C5orf34: variants seen among roughly 807,000 people sequenced by gnomAD.
C5orf34 encodes the protein chromosome 5 open reading frame 34, also known as uncharacterized protein C5orf34.
In C5orf34, 73 loss-of-function variants were observed where a neutral mutation model predicts 78.4. The ratio of observed to expected loss-of-function variants is 0.93; its 90% CI spans 0.77 to 1.13. The LOEUF (loss-of-function observed/expected upper bound fraction) is 1.13. C5orf34 is among the 50% of genes most tolerant of loss of function. The pLI is 0.00. For synonymous variants in C5orf34, 251 were observed against 246.6 expected, an observed-to-expected ratio of 1.02 and a Z score of -0.17; for missense variants, 730 against 732.7, an observed-to-expected ratio of 1.00 and a Z score of 0.04.
At chr5:43,495,344 A>G in intron 6 of C5orf34, 1 of 1,611,830 alleles carries the variant, frequency 6.2e-7, no homozygotes, top group Non-Finnish European at 8.5e-7. Flanking sequence ...CAGCTCAGCA[A>G]ACTTGCATGC....
chr5:43,502,021 G>A (rs1745778628), intron 6 of C5orf34, among the ~76,000 whole-genome samples: 1 of 152,030 alleles, frequency 6.6e-6, no homozygotes, highest in Non-Finnish European at 1.5e-5. Flanking sequence ...TACATGGTGG[G>A]GAAAAAAGAA....
intron 5 of C5orf34, among the ~76,000 whole-genome samples, chr5:43,503,106 G>T (rs1461013158): frequency 6.6e-6 from 1 of 152,200 alleles, no homozygotes; most frequent in Non-Finnish European, 1.5e-5. Context: ...AAATTTAGCA[G>T]TGCTCTTCTA....
chr5:43,507,819 C>T (rs544506025), intron 3 of C5orf34, among the ~76,000 whole-genome samples: 1 of 152,034 alleles, frequency 6.6e-6, no homozygotes, highest in African/African-American at 2.4e-5. Flanking sequence ...TGGCTCACGC[C>T]TGTAATCCCA....
chr5:43,487,627 T>C (rs1350501439), intron 12 of C5orf34, among the ~76,000 whole-genome samples: 1 of 152,126 alleles, frequency 6.6e-6, no homozygotes, highest in African/African-American at 2.4e-5. Flanking sequence ...GTTATAATTT[T>C]ATTATATAAT....
At chr5:43,495,993 C>A in intron 6 of C5orf34, 1 of 1,591,266 alleles carries the variant, frequency 6.3e-7, no homozygotes, top group Non-Finnish European at 8.5e-7. Context: ...TCAGTGGAAT[C>A]CATTTTGTTA....
intron 6 of C5orf34, among the ~76,000 whole-genome samples, chr5:43,499,215 G>A (rs545681118): frequency 6.6e-6 from 1 of 152,322 alleles, no homozygotes; most frequent in South Asian, 2.1e-4. Context: ...AGAAATCTGA[G>A]TGACAAGAAG....
intron 2 of C5orf34, among the ~76,000 whole-genome samples, 189 bp downstream of exon 2, chr5:43,508,955 GT>G (rs1746105105): frequency 6.6e-6 from 1 of 152,170 alleles, no homozygotes; most frequent in African/African-American, 2.4e-5. Flanking sequence ...TTAGCCAGAT[GT>G]GGTAGTGCAC....
intron 2 of C5orf34, among the ~76,000 whole-genome samples, 185 bp from the exon 3 acceptor site, chr5:43,508,851 T>A (rs895591512): frequency 1.3e-5 from 2 of 152,214 alleles, no homozygotes; most frequent in Non-Finnish European, 2.9e-5. Context: ...CCTGGCATAA[T>A]GGGAGGCCAA....
At chr5:43,488,414 C>T (rs1276547734) in intron 11 of C5orf34, 1 of 153,570 alleles carries the variant, frequency 6.5e-6, no homozygotes, top group East Asian at 1.9e-4. Context: ...ATTTAACTTC[C>T]TGCTCTTCCT....
At chr5:43,488,196 A>C (rs1351227099) in intron 11 of C5orf34, 1 of 491,954 alleles carries the variant, frequency 2.0e-6, no homozygotes, top group African/African-American at 1.9e-5. Flanking sequence ...ATTTGTAATC[A>C]AATATTGATG....
Position 43,492,743 on chromosome 5 carries a change from T to C in C5orf34, c.1462A>G (p.Ser488Gly), listed in dbSNP as rs757372341. The part of the protein sequence containing the change: ...GITLTLNWNF[S>G]SPIEKRQVNQ... ...ACCTGTCTCTTCTCAATAGGAGAGC[T>C]GAAATTCCAATTTAGGGTTAGAGTA... The change falls in exon 9 of 13, where the codon AGC becomes GGC. Residue 488 changes from serine (S) to glycine (G), a missense_variant. Physicochemically the swap from Ser to Gly is moderately conservative, Grantham distance 56. Transcript: ENST00000306862. 5.6e-6 allele frequency: 9 copies of C among 1,612,548 alleles called. No homozygotes were observed. The African/African-American group carries it at 1.1e-4, about 19-fold the overall frequency.
At chr5:43,511,690 A>G (rs574298889) in intron 1 of C5orf34, among the ~76,000 whole-genome samples, 2 of 152,356 alleles carry the variant, frequency 1.3e-5, no homozygotes, top group South Asian at 4.1e-4. Flanking sequence ...ACTAAGAAAA[A>G]TACTTCTGCC....
Position 43,515,078 on chromosome 5 carries a change from G to A in C5orf34, c.-309C>T, listed in dbSNP as rs545504818. ...AGACAGCGCCAACTGTAACCACTAA[G>A]AGAAAGCGCAAACCGCACAAGACCA... On this transcript the variant is annotated 5_prime_UTR_variant, in exon 1 of 13. Transcript: ENST00000306862. 5 of 152,246 alleles carry A rather than the reference G, an allele frequency of 3.3e-5. No homozygotes were observed. Among genetic ancestry groups the A allele is most frequent in the Non-Finnish European group, 7.3e-5 (5 of 68,068 alleles). 9.4% of individuals were successfully genotyped at this position (152,246 alleles called of 1,614,324 possible). A position where few individuals can be genotyped will look rare whatever the true frequency, so the allele number is the denominator to read the frequency against.
intron 11 of C5orf34, among the ~76,000 whole-genome samples, chr5:43,489,765 A>C (rs913225422): frequency 6.6e-6 from 1 of 152,094 alleles, no homozygotes; most frequent in Non-Finnish European, 1.5e-5. Flanking sequence ...AAATTGGCTT[A>C]ATGTTTACAT....
chr5:43,509,031 G>T, intron 2 of C5orf34, 114 bp downstream of exon 2: 1 of 755,032 alleles, frequency 1.3e-6, no homozygotes, highest in East Asian at 2.6e-5. Flanking sequence ...CTTGAGCCTA[G>T]GTGTTCGAGG....
chr5:43,510,982 A>C, intron 1 of C5orf34: 2 of 211,396 alleles, frequency 9.5e-6, no homozygotes, highest in South Asian at 6.1e-5. Flanking sequence ...CCGCCATCCC[A>C]TCTAGGAAGT....
chr5:43,495,450 T>C, intron 6 of C5orf34: 2 of 1,610,730 alleles, frequency 1.2e-6, no homozygotes, highest in South Asian at 2.2e-5. Flanking sequence ...AAGTCAGCTG[T>C]TTCCATTGGT....
In C5orf34 at chr5:43,493,626, A is replaced by C. The variant is rs1253854393; in HGVS notation, c.1245-14T>G. ...TGTTGAAGAATTCTGTGAACACAAAAAATACTACTTAAACATTTGCAAATG... is the reference window on the plus strand; with the variant it reads ...TGTTGAAGAATTCTGTGAACACAAACAATACTACTTAAACATTTGCAAATG... On this transcript the variant is annotated splice_polypyrimidine_tract_variant and intron_variant, in intron 7 of 12. Transcript: ENST00000306862. 6.7e-7 allele frequency: 1 copy of C among 1,500,944 alleles called. No homozygotes were observed. The highest frequency in any genetic ancestry group is 1.4e-5 in the African/African-American group (1 of 71,032). The allele number at this position is 1,500,944 out of a possible 1,614,324, so 93.0% of individuals were successfully genotyped here.
chr5:43,487,685 G>C (rs982743285), intron 12 of C5orf34, among the ~76,000 whole-genome samples: 1 of 152,016 alleles, frequency 6.6e-6, no homozygotes, highest in Non-Finnish European at 1.5e-5. Context: ...CTAATTAACT[G>C]TTCTTTGCCC....
Sources: gnomAD v4.1 joint callset for allele counts (sites outside exome capture counted in the v4.1 genomes callset) on GRCh38, gnomAD v4.1.1 for gene constraint, MANE v1.5 for transcripts, NCBI Gene and HGNC (gene_info 2026-07-23, HGNC 2026-07-21) for gene names.